Variants in CA12 observed in about 807,000 individuals in gnomAD.
The protein encoded by CA12 is carbonate dehydratase XII.
In CA12, 36 loss-of-function variants were observed where a neutral mutation model predicts 46.8. The observed-to-expected ratio is 0.77, with a 90% CI of 0.59 to 1.02. The LOEUF (loss-of-function observed/expected upper bound fraction) is 1.02. Among genes scored for constraint, CA12 ranks in the 50% least tolerant of loss-of-function variants. The pLI is 0.00. For missense variants in CA12, 436 were observed against 451.4 expected, an observed-to-expected ratio of 0.97 and a Z score of 0.31; for synonymous variants, 202 against 187.0, an observed-to-expected ratio of 1.08 and a Z score of -0.65.
In CA12 at chr15:63,328,096, A is replaced by G; in HGVS notation, c.907+2T>C. On this transcript the variant is annotated splice_donor_variant, in intron 9 of 10. Transcript: ENST00000178638. LOFTEE classifies it high-confidence loss of function. The surrounding 1 kb of genome is among the most constrained non-coding windows in gnomAD (Gnocchi z 5.9). ...TGCACGGCTGGCTGCCCAGCCACAT[A>G]CCCAGACTCAGTCCTGCCGCAGTAC... The G allele has an allele frequency of 6.2e-7, 1 of 1,613,994 alleles. No homozygotes were observed. The highest frequency in any genetic ancestry group is 1.1e-5 in the South Asian group (1 of 91,076).
intron 2 of CA12, among the ~76,000 whole-genome samples, chr15:63,367,158 T>C (rs2039446423): frequency 6.6e-6 from 1 of 152,172 alleles, no homozygotes; most frequent in African/African-American, 2.4e-5. Flanking sequence ...TGACCTCAAG[T>C]GATCCACCCG....
At chr15:63,364,138 G>T (rs1184507835) in intron 2 of CA12, among the ~76,000 whole-genome samples, 2 of 151,730 alleles carry the variant, frequency 1.3e-5, no homozygotes, top group African/African-American at 4.8e-5. Context: ...AGTGAGCAGA[G>T]ATCGTGCCAG....
intron 2 of CA12, among the ~76,000 whole-genome samples, chr15:63,365,155 G>A (rs1036172963): frequency 3.9e-5 from 6 of 152,186 alleles, no homozygotes; most frequent in Non-Finnish European, 5.9e-5. Context: ...ATGTCACAAC[G>A]AACAGTGTAA....
In CA12 at chr15:63,330,810, G is replaced by C. The variant is rs958467135; in HGVS notation, c.875-2680C>G. 6.6e-6 allele frequency among the ~76,000 whole-genome samples: 1 copy of C among 152,230 alleles called. No homozygotes were observed. Among genetic ancestry groups the C allele is most frequent in the Non-Finnish European group, 1.5e-5 (1 of 68,030 alleles). On this transcript the variant is annotated intron_variant, in intron 8 of 10. Coordinates refer to ENST00000178638, the MANE Select transcript of CA12 (RefSeq NM_001218.5). The surrounding 1 kb of genome is among the most constrained non-coding windows in gnomAD (Gnocchi z 4.0). ...GTAAGCAACAGCATAGTTGAACCCA[G>C]TGCTGTGACCTGGGATCTTTGCTCC...
Position 63,341,922 on chromosome 15 carries a change from G to A in CA12, c.525+80C>T. On this transcript the variant is annotated intron_variant, in intron 5 of 10. Transcript: ENST00000178638. This position sits in a 1 kb window ranked among gnomAD's most constrained non-coding sequence, Gnocchi z 5.2. ...TACAGGAACAGCTGATTATCAACAG[G>A]TATGCATGGAACAAAAGGTGGAATC... 1 of 936,528 alleles carries A rather than the reference G, an allele frequency of 1.1e-6. No homozygotes were observed. The highest frequency in any genetic ancestry group is 1.7e-6 in the Non-Finnish European group (1 of 575,872). The allele number at this position is 936,528 out of a possible 1,614,324, so 58.0% of individuals were successfully genotyped here.
chr15:63,323,791 C>G lies in CA12; in HGVS notation c.*2494G>C, dbSNP rs1014074719. 1 of 152,360 alleles carries G rather than the reference C, an allele frequency of 6.6e-6. No individual in the cohort carries two copies. Among genetic ancestry groups the G allele is most frequent in the East Asian group, 1.9e-4 (1 of 5,194 alleles). The allele number at this position is 152,360 out of a possible 1,614,324, so 9.4% of individuals were successfully genotyped here. On this transcript the variant is annotated 3_prime_UTR_variant, in exon 11 of 11. Coordinates refer to ENST00000178638, the MANE Select transcript of CA12 (RefSeq NM_001218.5). The surrounding 1 kb of genome is among the most constrained non-coding windows in gnomAD (Gnocchi z 5.1). The stretch of plus-strand genomic sequence containing the variant: ...GAGTCAATGCAGCACATGCTAGAAA[C>G]AGATACAGAGTTTTTTGTTGTTTTT...
At position 63,330,474 on chromosome 15, in the gene CA12, T is replaced by G. The variant is rs2038923668; in HGVS notation, c.875-2344A>C. ...TGGTGCCAAACCAGTTCTCGCCACCTGAAGACTATTACTAGGAAGCCTTAC... is the reference window on the plus strand; with the variant it reads ...TGGTGCCAAACCAGTTCTCGCCACCGGAAGACTATTACTAGGAAGCCTTAC... On this transcript the variant is annotated intron_variant, in intron 8 of 10. Coordinates refer to ENST00000178638, the MANE Select transcript of CA12 (RefSeq NM_001218.5). This position sits in a 1 kb window ranked among gnomAD's most constrained non-coding sequence, Gnocchi z 4.0. Among the ~76,000 whole-genome samples, 1 of 152,248 alleles carries G rather than the reference T, an allele frequency of 6.6e-6. No individual in the cohort carries two copies. Among genetic ancestry groups the G allele is most frequent in the Non-Finnish European group, 1.5e-5 (1 of 68,032 alleles).
chr15:63,332,965 G>A (rs987659080), intron 8 of CA12, among the ~76,000 whole-genome samples: 5 of 152,174 alleles, frequency 3.3e-5, no homozygotes, highest in African/African-American at 9.7e-5. Context: ...TTTTCTATTC[G>A]TCTTTGCTGT....
chr15:63,360,581 G>A (rs766302672), intron 2 of CA12, among the ~76,000 whole-genome samples: 1 of 152,108 alleles, frequency 6.6e-6, no homozygotes, highest in East Asian at 1.9e-4. Context: ...ATTGTGCCAC[G>A]TGCTCTCGCC....
intron 2 of CA12, among the ~76,000 whole-genome samples, chr15:63,370,325 T>C (rs547085460): frequency 6.6e-6 from 1 of 150,834 alleles, no homozygotes; most frequent in South Asian, 2.1e-4. Context: ...CATGGTGGCA[T>C]ACGTCCTAGC....
rs146217850 is a variant in CA12 at position 63,355,087 on chromosome 15, ATGACCTG to A, written c.107-8385_107-8379del. Among the ~76,000 whole-genome samples the A allele has an allele frequency of 0.03, 4,588 of 152,184 alleles. 102 individuals carry two copies. The highest frequency in any genetic ancestry group is 0.042 in the Non-Finnish European group (2,865 of 67,988). On this transcript the variant is annotated intron_variant, in intron 2 of 10. Transcript: ENST00000178638. The surrounding 1 kb of genome is among the most constrained non-coding windows in gnomAD (Gnocchi z 4.1). ...ATTTCTAACCTCCTCTTAGGTTCTC[ATGACCTG>A]TGACCTTAGAGTATGTTCATCGTGG... is the stretch of plus-strand genomic sequence containing the variant.
Position 63,381,592 on chromosome 15 carries a change from T to C in CA12, c.85+44A>G, listed in dbSNP as rs749479564. ...GAAGAGCCTTCAGCCCAGGGGCGGC[T>C]GAGCGCTCAGGAGTGTTAGGAAAGA... On this transcript the variant is annotated intron_variant, in intron 1 of 10. Transcript: ENST00000178638. The C allele has an allele frequency of 5.2e-6, 8 of 1,538,428 alleles. No individual in the cohort carries two copies. In the East Asian group the frequency reaches 1.6e-4, roughly 31 times the overall value.
chr15:63,369,499 G>A (rs933483179), intron 2 of CA12, among the ~76,000 whole-genome samples: 1 of 152,238 alleles, frequency 6.6e-6, no homozygotes, highest in Middle Eastern at 3.2e-3. Context: ...ACTTGAGTGA[G>A]CAGCAGAATC....
Position 63,374,645 on chromosome 15 carries a change from T to G in CA12, c.106+1013A>C, listed in dbSNP as rs1026644373. Among the ~76,000 whole-genome samples the G allele has an allele frequency of 6.6e-5, 10 of 152,170 alleles. No homozygotes were observed. The highest frequency in any genetic ancestry group is 5.9e-5 in the Non-Finnish European group (4 of 68,024). On this transcript the variant is annotated intron_variant, in intron 2 of 10. Coordinates refer to ENST00000178638, the MANE Select transcript of CA12 (RefSeq NM_001218.5). This position sits in a 1 kb window ranked among gnomAD's most constrained non-coding sequence, Gnocchi z 4.4. Reference sequence around the variant, plus strand: ...GGCCTGTGGGTAGCTGGTTGGTCAGTTCAGTGACTTTTCTATGCATCTTGG... The same window carrying G: ...GGCCTGTGGGTAGCTGGTTGGTCAGGTCAGTGACTTTTCTATGCATCTTGG...
At chr15:63,336,000 T>C (rs1489796464) in intron 8 of CA12, among the ~76,000 whole-genome samples, 1 of 152,136 alleles carries the variant, frequency 6.6e-6, no homozygotes, top group African/African-American at 2.4e-5. Flanking sequence ...GGGAGGAGAA[T>C]TCTGGCCAAG....
intron 4 of CA12, among the ~76,000 whole-genome samples, chr15:63,343,685 G>A (rs1159064538): frequency 2.0e-5 from 3 of 152,080 alleles, no homozygotes; most frequent in Admixed American, 2.0e-4. Context: ...CTCTAGTATT[G>A]GCATTTATGG....
chr15:63,338,903 C>T lies in CA12; in HGVS notation c.790G>A (p.Asp264Asn), dbSNP rs140982958. The T allele has an allele frequency of 1.4e-5, 22 of 1,614,114 alleles. No individual in the cohort carries two copies. The South Asian group carries it at 2.0e-4, about 15-fold the overall frequency. Residue 264 changes from aspartate (D) to asparagine (N), a missense_variant, in exon 8 of 11, where the codon GAC becomes AAC. By Grantham distance (23) the Asp-to-Asn change is conservative. Transcript: ENST00000178638. ...ETALYCTHMDDPSPREMINNF... is the reference protein window; with the variant it reads ...ETALYCTHMDNPSPREMINNF... ...TTGATCATTTCTCTGGGGGAAGGGT[C>T]GTCCATGTGTGTGCAGTACAGGGCT...
chr15:63,354,087 T>A (rs1435751707), intron 2 of CA12, among the ~76,000 whole-genome samples: 2 of 152,140 alleles, frequency 1.3e-5, no homozygotes, highest in African/African-American at 4.8e-5. Flanking sequence ...TAAACCCCAA[T>A]GTCCTGCCCA....
In CA12 at chr15:63,355,861, G is replaced by C. The variant is rs1161333047; in HGVS notation, c.107-9152C>G. Among the ~76,000 whole-genome samples, 1 of 152,108 alleles carries C rather than the reference G, an allele frequency of 6.6e-6. No individual in the cohort carries two copies. The highest frequency in any genetic ancestry group is 2.4e-5 in the African/African-American group (1 of 41,420). The stretch of plus-strand genomic sequence containing the variant: ...CCACAGCCCTGTAGCCACCGCCCTC[G>C]CAAGACATCCTGCTCTGTCTTTCTT... On this transcript the variant is annotated intron_variant, in intron 2 of 10. Coordinates refer to ENST00000178638, the MANE Select transcript of CA12 (RefSeq NM_001218.5). The surrounding 1 kb of genome is among the most constrained non-coding windows in gnomAD (Gnocchi z 4.1).
Sources: gnomAD v4.1 joint callset for allele counts (sites outside exome capture counted in the v4.1 genomes callset) on GRCh38, gnomAD v4.1.1 for gene constraint, Gnocchi (gnomAD v3.1) non-coding constraint, MANE v1.5 for transcripts, NCBI Gene and HGNC (gene_info 2026-07-23, HGNC 2026-07-21) for gene names.